The following SYCP1 variants were observed in gnomAD, a reference collection of about 807,000 sequenced individuals.
SYCP1 encodes the protein cancer/testis antigen 8.
SYCP1 carries 64 observed loss-of-function variants against 153.1 expected under a neutral mutation model. That is an observed-to-expected ratio of 0.42 (90% confidence interval 0.34 to 0.51). SYCP1 has a LOEUF of 0.51. SYCP1 is among the 20% of genes least tolerant of loss of function. The pLI is 0.06. For missense variants in SYCP1, 997 were observed against 1,049.0 expected (o/e 0.95, Z 0.68); for synonymous variants, 384 against 341.8 (o/e 1.12, Z -1.36).
chr1:114,903,970 G>A (rs1290035134), intron 16 of SYCP1, among the ~76,000 whole-genome samples: 1 of 151,996 alleles, frequency 6.6e-6, no homozygotes, highest in Non-Finnish European at 1.5e-5. Flanking sequence ...TGCCAATATT[G>A]CAGTGTCTTG....
chr1:114,856,557 T>C lies in SYCP1; in HGVS notation c.109-16T>C, dbSNP rs1414973522. 11 of 1,591,762 alleles carry C rather than the reference T, an allele frequency of 6.9e-6. No individual in the cohort carries two copies. In the African/African-American group the frequency reaches 1.5e-4, roughly 21 times the overall value. ...GGTATGAAACAGAATATTTAAGAAC[T>C]TCTTTGTGTCTCTAGAGTTTCAACA... On this transcript the variant is annotated splice_polypyrimidine_tract_variant and intron_variant, in intron 2 of 31. Transcript: ENST00000369522.
At chr1:114,960,292 C>T (rs894835331) in intron 27 of SYCP1, among the ~76,000 whole-genome samples, 5 of 151,540 alleles carry the variant, frequency 3.3e-5, no homozygotes, top group Admixed American at 6.6e-5. Context: ...CTCAGCCTCC[C>T]GAGTAGCTGG....
chr1:114,881,521 T>TTCCTTCCTTCCTTCCC (rs1222794512), intron 12 of SYCP1, among the ~76,000 whole-genome samples: 3 of 151,162 alleles, frequency 2.0e-5, no homozygotes, highest in Non-Finnish European at 4.4e-5. Flanking sequence ...CCTTCCTTCC[T>TTCCTTCCTTCCTTCCC]TCCTTCCTTC....
At chr1:114,923,669 T>A in intron 21 of SYCP1, 139 bp downstream of exon 21, 3 of 822,302 alleles carry the variant, frequency 3.6e-6, no homozygotes, top group Non-Finnish European at 5.0e-6. Context: ...CCATCAACCT[T>A]AAATATCTAG....
chr1:114,907,867 C>T (rs150772228), intron 16 of SYCP1, among the ~76,000 whole-genome samples: 21 of 152,250 alleles, frequency 1.4e-4, no homozygotes, highest in African/African-American at 4.8e-4. Context: ...CCACTTTGTC[C>T]TTTATGCTAG....
At chr1:114,878,357 C>T (rs919927773) in intron 12 of SYCP1, among the ~76,000 whole-genome samples, 155 bp downstream of exon 12, 5 of 151,860 alleles carry the variant, frequency 3.3e-5, no homozygotes, top group African/African-American at 1.2e-4. Flanking sequence ...ATAGATTAAC[C>T]TGGGGAGCTT....
At chr1:114,884,922 T>G (rs1428520232) in intron 12 of SYCP1, among the ~76,000 whole-genome samples, 1 of 152,122 alleles carries the variant, frequency 6.6e-6, no homozygotes, top group Non-Finnish European at 1.5e-5. Flanking sequence ...ATAAAACATA[T>G]AGACTAGTAC....
intron 21 of SYCP1, among the ~76,000 whole-genome samples, chr1:114,923,851 G>A (rs1214632914): frequency 1.3e-5 from 2 of 152,106 alleles, no homozygotes; most frequent in South Asian, 2.1e-4. Flanking sequence ...TATTTAATAA[G>A]TTTGTGTCAT....
At chr1:114,945,507 A>T (rs1232670858) in intron 25 of SYCP1, among the ~76,000 whole-genome samples, 1 of 149,918 alleles carries the variant, frequency 6.7e-6, no homozygotes. Flanking sequence ...TATTCAATTA[A>T]AAAAAAAAGC....
At chr1:114,916,646 G>A (rs949782363) in intron 20 of SYCP1, among the ~76,000 whole-genome samples, 17 of 144,602 alleles carry the variant, frequency 1.2e-4, no homozygotes, top group Non-Finnish European at 2.4e-4. Flanking sequence ...CTAATCTTTT[G>A]AGGTTTTTTT....
chr1:114,918,952 A>G (rs1162347615), intron 20 of SYCP1, among the ~76,000 whole-genome samples: 21 of 151,962 alleles, frequency 1.4e-4, no homozygotes, highest in Admixed American at 1.4e-3. Context: ...ATACATCTGC[A>G]CGCAAGGATA....
At chr1:114,986,230 G>A (rs1673497850) in intron 30 of SYCP1, among the ~76,000 whole-genome samples, 1 of 151,960 alleles carries the variant, frequency 6.6e-6, no homozygotes, top group African/African-American at 2.4e-5. Context: ...AGATCACATA[G>A]TTAGTAAGAC....
At chr1:114,881,543 T>TTCCTTCCTTCCTTCCTTCCTTCTTTC (rs1383711421) in intron 12 of SYCP1, among the ~76,000 whole-genome samples, 1 of 123,206 alleles carries the variant, frequency 8.1e-6, no homozygotes, top group South Asian at 2.5e-4. Context: ...TTCCTTCCTT[T>TTCCTTCCTTCCTTCCTTCCTTCTTTC]CTTGATGGAG....
chr1:114,972,773 G>C (rs958852618), intron 27 of SYCP1, among the ~76,000 whole-genome samples: 4 of 152,100 alleles, frequency 2.6e-5, no homozygotes, highest in African/African-American at 9.7e-5. Flanking sequence ...TACTTGATGT[G>C]ATTTCCATTT....
At chr1:114,895,230 G>C (rs567148098) in intron 15 of SYCP1, among the ~76,000 whole-genome samples, 4 of 152,012 alleles carry the variant, frequency 2.6e-5, no homozygotes, top group African/African-American at 9.6e-5. Context: ...TGGGTTATTT[G>C]GCAATGGCAT....
chr1:114,950,851 GTC>G (rs1403425464), intron 27 of SYCP1, among the ~76,000 whole-genome samples: 1 of 41,154 alleles, frequency 2.4e-5, no homozygotes, highest in South Asian at 6.5e-4. Flanking sequence ...AGAGTCTCAC[GTC>G]TCACTCTGTC....
At chr1:114,910,173 C>G in intron 16 of SYCP1, 1 of 300,304 alleles carries the variant, frequency 3.3e-6, no homozygotes, top group Non-Finnish European at 6.4e-6. Context: ...AATTAATCAT[C>G]TGTAACTAAA....
At position 114,944,986 on chromosome 1, in the gene SYCP1, AT is replaced by A. The variant is rs780846331; in HGVS notation, c.2154+11del. The A allele has an allele frequency of 8.4e-6, 13 of 1,555,608 alleles. No homozygotes were observed. Among genetic ancestry groups the A allele is most frequent in the Middle Eastern group, 1.9e-4 (1 of 5,372 alleles). ...AGCACTTATGGAAAAACATAAGGTA[AT>A]TTTTTTCTTCTTATATAATGAAAAT... On this transcript the variant is annotated splice_donor_5th_base_variant and intron_variant, in intron 25 of 31. Transcript: ENST00000369522.
chr1:114,873,591 G>A (rs1044538407), intron 8 of SYCP1, among the ~76,000 whole-genome samples: 1 of 152,142 alleles, frequency 6.6e-6, no homozygotes, highest in African/African-American at 2.4e-5. Context: ...CCCAAAGGAG[G>A]CCTTGTTAAG....
Sources: allele counts gnomAD v4.1 joint callset (sites outside exome capture counted in the v4.1 genomes callset), GRCh38; gene constraint gnomAD v4.1.1; transcripts MANE v1.5; gene names NCBI Gene and HGNC (gene_info 2026-07-23, HGNC 2026-07-21).